The following EVC2 variants were observed in gnomAD, a reference collection of about 807,000 sequenced individuals.
EVC2 encodes limbin.
EVC2 carries 148 observed loss-of-function variants against 149.3 expected under a neutral mutation model. That is an observed-to-expected ratio of 0.99 (90% CI 0.87 to 1.14). EVC2 has a LOEUF of 1.14. EVC2 is among the 50% of genes most tolerant of loss of function. The pLI is 0.00. For missense variants in EVC2, 1,854 were observed against 1,627.3 expected (o/e 1.14, Z -2.40); for synonymous variants, 776 against 649.9 (o/e 1.19, Z -2.95).
intron 9 of EVC2, among the ~76,000 whole-genome samples, chr4:5,654,456 C>T (rs1009730404): frequency 6.6e-6 from 1 of 152,202 alleles, no homozygotes; most frequent in Non-Finnish European, 1.5e-5. Context: ...GCATTTACAT[C>T]CTTGAGGTTT....
At chr4:5,542,220 G>C (rs893841571), downstream of EVC2, among the ~76,000 whole-genome samples, 5 of 152,170 alleles carry the variant, frequency 3.3e-5, no homozygotes, top group African/African-American at 1.2e-4. Flanking sequence ...GGGAAGCTGA[G>C]GTGGGAGGAT....
intron 9 of EVC2, among the ~76,000 whole-genome samples, chr4:5,655,886 C>A (rs1191999678): frequency 2.6e-5 from 4 of 151,946 alleles, no homozygotes; most frequent in African/African-American, 9.7e-5. Flanking sequence ...ACCACCACCC[C>A]ACAAGGATTT....
At chr4:5,698,504 T>C (rs1721627143) in intron 1 of EVC2, among the ~76,000 whole-genome samples, 1 of 152,128 alleles carries the variant, frequency 6.6e-6, no homozygotes, top group Admixed American at 6.5e-5. Context: ...GTGATGAAAA[T>C]TTGTCTAAAC....
At chr4:5,587,443 C>T in intron 16 of EVC2, among the ~76,000 whole-genome samples, 1 of 152,174 alleles carries the variant, frequency 6.6e-6, no homozygotes, top group East Asian at 1.9e-4. Flanking sequence ...AACTTCATTT[C>T]CTTTTTATGG....
chr4:5,561,987 C>T (rs966637504), downstream of EVC2, among the ~76,000 whole-genome samples: 4 of 152,070 alleles, frequency 2.6e-5, no homozygotes, highest in Non-Finnish European at 5.9e-5. Context: ...GTGGCCCAGC[C>T]CCAGTGAGAT....
intron 9 of EVC2, among the ~76,000 whole-genome samples, chr4:5,655,067 A>T (rs925517843): frequency 6.6e-6 from 1 of 152,214 alleles, no homozygotes; most frequent in African/African-American, 2.4e-5. Flanking sequence ...TTTGTCACAC[A>T]GAACTCCTCA....
At position 5,591,933 on chromosome 4, in the gene EVC2, A is replaced by T. The variant is rs376024947; in HGVS notation, c.2830-7083T>A. On this transcript the variant is annotated intron_variant, in intron 16 of 21. Coordinates refer to ENST00000344408, the MANE Select transcript of EVC2 (RefSeq NM_147127.5). ...CAACTTCTTACTACTTTTCCCTGAC[A>T]ACATGTGGATTTCAAACAAAAAGTT... 3.9e-4 allele frequency among the ~76,000 whole-genome samples: 59 copies of T among 152,310 alleles called. 1 individual carries two copies. The South Asian group carries it at 0.012, about 31-fold the overall frequency.
chr4:5,665,365 C>T, intron 8 of EVC2, 150 bp downstream of exon 8: 1 of 1,112,364 alleles, frequency 9.0e-7, no homozygotes, highest in East Asian at 2.4e-5. Flanking sequence ...GGACAAACAG[C>T]AGTTTTGGAG....
chr4:5,621,028 A>C (rs1685972554), intron 14 of EVC2, among the ~76,000 whole-genome samples: 1 of 152,236 alleles, frequency 6.6e-6, no homozygotes, highest in Non-Finnish European at 1.5e-5. Flanking sequence ...AAAGCTAACA[A>C]GGATTAAAAA....
At chr4:5,668,937 C>A (rs566612194) in intron 7 of EVC2, among the ~76,000 whole-genome samples, 2 of 152,312 alleles carry the variant, frequency 1.3e-5, no homozygotes, top group Admixed American at 1.3e-4. Flanking sequence ...TGAGGTCATA[C>A]TGGGTCACAG....
chr4:5,541,583 T>C (rs1357449639), downstream of EVC2, among the ~76,000 whole-genome samples: 5 of 152,168 alleles, frequency 3.3e-5, no homozygotes, highest in Non-Finnish European at 5.9e-5. Flanking sequence ...CTTCACATCC[T>C]TGTGTCTCAG....
At chr4:5,544,028 G>A (rs565886906) in intron 21 of EVC2, among the ~76,000 whole-genome samples, 1 of 152,248 alleles carries the variant, frequency 6.6e-6, no homozygotes, top group South Asian at 2.1e-4. Flanking sequence ...GGCAAATTGT[G>A]CACCTCCAGG....
At chr4:5,590,983 A>G (rs1392457040) in intron 16 of EVC2, among the ~76,000 whole-genome samples, 1 of 152,124 alleles carries the variant, frequency 6.6e-6, no homozygotes, top group Non-Finnish European at 1.5e-5. Context: ...CTCACTCACT[A>G]TCACGAGAAC....
chr4:5,652,566 T>C (rs1160314000), intron 9 of EVC2, among the ~76,000 whole-genome samples: 2 of 152,050 alleles, frequency 1.3e-5, no homozygotes, highest in African/African-American at 4.8e-5. Context: ...TAGGCAGCTG[T>C]GCCAGGAAGT....
intron 16 of EVC2, among the ~76,000 whole-genome samples, chr4:5,588,890 C>A (rs1712537281): frequency 6.6e-6 from 1 of 152,162 alleles, no homozygotes; most frequent in Non-Finnish European, 1.5e-5. Context: ...TGCCCTTGAG[C>A]AGTACAATAT....
At chr4:5,664,702 G>C (rs1024269348) in intron 8 of EVC2, among the ~76,000 whole-genome samples, 18 of 152,096 alleles carry the variant, frequency 1.2e-4, no homozygotes, top group African/African-American at 4.3e-4. Context: ...AGAGCCCCTG[G>C]GCAGGACTAA....
At chr4:5,531,515 C>T in the EVC2 span, among the ~76,000 whole-genome samples, 88 of 152,280 alleles carry the variant, frequency 5.8e-4, no homozygotes, top group Non-Finnish European at 1.1e-3. Flanking sequence ...TCTGTATTGA[C>T]AGCCGCTCCC....
intron 11 of EVC2, among the ~76,000 whole-genome samples, chr4:5,630,615 A>G (rs1716462120): frequency 6.6e-6 from 1 of 152,172 alleles, no homozygotes; most frequent in African/African-American, 2.4e-5. Flanking sequence ...ACTACATCAG[A>G]AAAAGCACTG....
At chr4:5,584,879 C>T (rs1253004149) in intron 16 of EVC2, 29 bp from the exon 17 acceptor site, 4 of 1,612,412 alleles carry the variant, frequency 2.5e-6, no homozygotes, top group South Asian at 2.2e-5. Context: ...GGACCCAAAC[C>T]CAGAGAGCAG....
Sources: allele counts gnomAD v4.1 joint callset (sites outside exome capture counted in the v4.1 genomes callset), GRCh38; gene constraint gnomAD v4.1.1; transcripts MANE v1.5; gene names NCBI Gene and HGNC (gene_info 2026-07-23, HGNC 2026-07-21).